Variants in NCAPH observed in about 807,000 individuals in gnomAD.
The protein encoded by NCAPH is non-SMC condensin I complex subunit H.
In NCAPH, 38 loss-of-function variants were observed where a neutral mutation model predicts 85.5. The observed-to-expected ratio is 0.44, with a 90% CI of 0.34 to 0.58. The LOEUF (loss-of-function observed/expected upper bound fraction) is 0.58, where lower values mean the gene tolerates loss of function less well. Ranked by LOEUF, NCAPH falls within the 20% of genes least tolerant of loss-of-function variation. The probability of loss-of-function intolerance (pLI) is 0.01; values close to 1 mark genes in which losing one functional copy is unlikely to be tolerated. For synonymous variants in NCAPH, 301 were observed against 335.1 expected (o/e 0.90, Z 1.11); for missense variants, 789 against 916.6 (o/e 0.86, Z 1.80).
chr2:96,342,531 T>C (rs2064310239), intron 3 of NCAPH, among the ~76,000 whole-genome samples: 1 of 152,208 alleles, frequency 6.6e-6, no homozygotes, highest in African/African-American at 2.4e-5. Context: ...GAGCAGGGCC[T>C]GCACACACTG....
intron 6 of NCAPH, among the ~76,000 whole-genome samples, chr2:96,351,415 TC>T: frequency 6.6e-6 from 1 of 152,298 alleles, no homozygotes; most frequent in East Asian, 1.9e-4. Context: ...ACAACTGTAG[TC>T]CCAGTACTTT....
At chr2:96,338,075 C>T (rs1018113142) in intron 1 of NCAPH, among the ~76,000 whole-genome samples, 5 of 151,818 alleles carry the variant, frequency 3.3e-5, no homozygotes. Context: ...TACAGACATG[C>T]GCCACTACAC....
intron 9 of NCAPH, among the ~76,000 whole-genome samples, chr2:96,356,789 C>T (rs759251342): frequency 3.3e-5 from 5 of 152,118 alleles, no homozygotes; most frequent in African/African-American, 9.7e-5. Context: ...GAGAGGTCTT[C>T]GGAGGCCTCT....
At chr2:96,367,118 A>T in intron 14 of NCAPH, 139 bp from the exon 15 acceptor site, 2 of 566,988 alleles carry the variant, frequency 3.5e-6, no homozygotes, top group South Asian at 3.8e-5. Flanking sequence ...ACAAACAAAC[A>T]AAACAAGAGA....
At chr2:96,358,982 C>T in intron 9 of NCAPH, 63 bp from the exon 10 acceptor site, 2 of 1,500,258 alleles carry the variant, frequency 1.3e-6, no homozygotes, top group East Asian at 2.3e-5. Flanking sequence ...CGGACATATG[C>T]TTCATATGTA....
At chr2:96,342,932 A>T in intron 4 of NCAPH, 84 bp downstream of exon 4, 1 of 1,296,422 alleles carries the variant, frequency 7.7e-7, no homozygotes, top group Non-Finnish European at 1.1e-6. Context: ...TGAATGCTGC[A>T]AATACATGAG....
At chr2:96,339,973 A>T (rs1309527646) in intron 1 of NCAPH, among the ~76,000 whole-genome samples, 1 of 151,994 alleles carries the variant, frequency 6.6e-6, no homozygotes, top group African/African-American at 2.4e-5. Flanking sequence ...CCCCGGCTAG[A>T]GTGTAGTGGC....
chr2:96,348,352 G>T (rs2064389627), intron 6 of NCAPH, among the ~76,000 whole-genome samples: 1 of 151,844 alleles, frequency 6.6e-6, no homozygotes. Context: ...ACCATGCCCG[G>T]CTAATTTTTT....
chr2:96,376,668 C>T lies in NCAPH; in HGVS notation c.*3317C>T, dbSNP rs573975561. Reference sequence around the variant, plus strand: ...CAAGGATTTGCAGCATCTGCGGCAACGAGTTTGGTGTCCTGGAGCAAGGAA... The same window carrying T: ...CAAGGATTTGCAGCATCTGCGGCAATGAGTTTGGTGTCCTGGAGCAAGGAA... On this transcript the variant is annotated 3_prime_UTR_variant, in exon 18 of 18. Transcript: ENST00000240423. 3.7e-4 allele frequency among the ~76,000 whole-genome samples: 57 copies of T among 152,290 alleles called. 3 individuals are homozygous for T. The South Asian group carries it at 0.011, about 28-fold the overall frequency.
intron 9 of NCAPH, among the ~76,000 whole-genome samples, chr2:96,355,185 A>G (rs1199932643): frequency 2.0e-5 from 3 of 152,196 alleles, no homozygotes; most frequent in African/African-American, 4.8e-5. Context: ...TATGTACTTA[A>G]TAGGTTAGTA....
chr2:96,364,495 C>G lies in NCAPH; in HGVS notation c.1602C>G (p.Ala534=). 1 of 1,609,034 alleles carries G rather than the reference C, an allele frequency of 6.2e-7. No individual in the cohort carries two copies. Among genetic ancestry groups the G allele is most frequent in the Non-Finnish European group, 8.5e-7 (1 of 1,175,720 alleles). ...CTTTCCTTTAGTTACTTAAGATGGCCCAGGGCCATAGGGTAGAGACTGAGC... is the reference window on the plus strand; with the variant it reads ...CTTTCCTTTAGTTACTTAAGATGGCGCAGGGCCATAGGGTAGAGACTGAGC... ...LKPGTRLLKM[A]QGHRVETEHY... Residue 534 remains alanine, a synonymous_variant, in exon 13 of 18, where the codon GCC becomes GCG. Transcript: ENST00000240423.
intron 14 of NCAPH, 51 bp downstream of exon 14, chr2:96,366,109 T>C (rs758860728): frequency 3.2e-6 from 5 of 1,581,270 alleles, no homozygotes; most frequent in Non-Finnish European, 3.5e-6. Context: ...ATCTATTTAA[T>C]TGTCTCTTAT....
At position 96,376,350 on chromosome 2, in the gene NCAPH, G is replaced by T. The variant is rs926506504; in HGVS notation, c.*2999G>T. On this transcript the variant is annotated 3_prime_UTR_variant, in exon 18 of 18. Transcript: ENST00000240423. ...AGGGCAATTTGCAAGAGAGAATTGT[G>T]GGGCCCTGAGAGAGAATACATCCAA... is the stretch of plus-strand genomic sequence containing the variant. Among the ~76,000 whole-genome samples, 2 of 152,188 alleles carry T rather than the reference G, an allele frequency of 1.3e-5. No individual in the cohort carries two copies. The highest frequency in any genetic ancestry group is 2.4e-5 in the African/African-American group (1 of 41,438).
chr2:96,372,130 G>A (rs548650563), intron 17 of NCAPH, among the ~76,000 whole-genome samples: 1 of 152,378 alleles, frequency 6.6e-6, no homozygotes, highest in East Asian at 1.9e-4. Flanking sequence ...AGCCAGGGCA[G>A]GCTGGTTGTG....
At chr2:96,347,938 C>T (rs1004207113) in intron 6 of NCAPH, among the ~76,000 whole-genome samples, 5 of 151,750 alleles carry the variant, frequency 3.3e-5, no homozygotes, top group East Asian at 1.9e-4. Flanking sequence ...AGGGGAGAGG[C>T]GAGAGCAGCT....
At chr2:96,355,846 G>A (rs2064517906) in intron 9 of NCAPH, among the ~76,000 whole-genome samples, 1 of 151,934 alleles carries the variant, frequency 6.6e-6, no homozygotes, top group South Asian at 2.1e-4. Flanking sequence ...ATGTTAGCCA[G>A]GATGGTCTCG....
chr2:96,342,585 G>A (rs2064310948), intron 3 of NCAPH, among the ~76,000 whole-genome samples, 171 bp from the exon 4 acceptor site: 1 of 152,232 alleles, frequency 6.6e-6, no homozygotes, highest in East Asian at 1.9e-4. Flanking sequence ...CCTTGAACAT[G>A]AGGACATGCC....
intron 17 of NCAPH, among the ~76,000 whole-genome samples, chr2:96,372,522 G>A (rs1258128628): frequency 6.6e-6 from 1 of 152,162 alleles, no homozygotes; most frequent in African/African-American, 2.4e-5. Context: ...GAAATAAACA[G>A]TTCATAAGTT....
chr2:96,359,252 G>A, intron 10 of NCAPH, 59 bp downstream of exon 10: 6 of 1,588,814 alleles, frequency 3.8e-6, no homozygotes, highest in Non-Finnish European at 5.2e-6. Context: ...CAGCCAGTCA[G>A]CAGTTAGCCA....
Sources: gnomAD v4.1 joint callset for allele counts (sites outside exome capture counted in the v4.1 genomes callset) on GRCh38, gnomAD v4.1.1 for gene constraint, MANE v1.5 for transcripts, NCBI Gene and HGNC (gene_info 2026-07-23, HGNC 2026-07-21) for gene names.